The following SVOPL variants were observed in gnomAD, a reference collection of about 807,000 sequenced individuals.
SVOPL encodes the protein putative transporter SVOPL.
Under a neutral mutation model 61.0 loss-of-function variants are expected in SVOPL, and 60 were observed. The observed-to-expected ratio is 0.98, with a 90% CI of 0.80 to 1.22. SVOPL has a LOEUF of 1.22. Ranked by LOEUF, SVOPL falls within the 50% of genes most tolerant of loss-of-function variation. SVOPL has a pLI of 0.00. For missense variants in SVOPL, 662 were observed against 643.9 expected, an observed-to-expected ratio of 1.03 and a Z score of -0.30; for synonymous variants, 279 against 250.0, an observed-to-expected ratio of 1.12 and a Z score of -1.09.
chr7:138,674,897 C>T (rs1293790584), intron 3 of SVOPL, among the ~76,000 whole-genome samples: 1 of 151,220 alleles, frequency 6.6e-6, no homozygotes, highest in African/African-American at 2.4e-5. Flanking sequence ...GAGATCATTT[C>T]ACTTCCTTGA....
chr7:138,679,090 C>G lies in SVOPL; in HGVS notation c.-34-11G>C, dbSNP rs1802643741. On this transcript the variant is annotated splice_polypyrimidine_tract_variant and intron_variant, in intron 1 of 15. Transcript: ENST00000674285. ...CCCCAAACAGCTTCCCTGGTGGAAG[C>G]AAGGGAGGGAAGAAGGAAAGAAATA... 6.6e-7 allele frequency: 1 copy of G among 1,506,490 alleles called. No individual in the cohort carries two copies. The highest frequency in any genetic ancestry group is 9.0e-7 in the Non-Finnish European group (1 of 1,107,484). The allele number at this position is 1,506,490 out of a possible 1,614,324, so 93.3% of individuals were successfully genotyped here.
chr7:138,596,205 AAAG>A (rs1262138460), intron 15 of SVOPL, among the ~76,000 whole-genome samples: 8 of 151,486 alleles, frequency 5.3e-5, no homozygotes, highest in African/African-American at 1.9e-4. Context: ...AAAAAAAAAA[AAAG>A]AAAGAAAAGT....
At position 138,666,023 on chromosome 7, in the gene SVOPL, AC is replaced by A. The variant is rs535913465; in HGVS notation, c.274-2879del. Among the ~76,000 whole-genome samples, 378 of 152,318 alleles carry A rather than the reference AC, an allele frequency of 2.5e-3. 3 individuals are homozygous for A. Among genetic ancestry groups the A allele is most frequent in the African/African-American group, 8.7e-3 (362 of 41,564 alleles). The stretch of plus-strand genomic sequence containing the variant: ...CATCACTGTCTCAAAAACAAACAAA[AC>A]AAAAAACAAGAAACTGCTTCTGCAA... On this transcript the variant is annotated intron_variant, in intron 4 of 15. Coordinates refer to ENST00000674285, the MANE Select transcript of SVOPL (RefSeq NM_001139456.2).
At chr7:138,691,956 T>C (rs1460440809) in intron 1 of SVOPL, among the ~76,000 whole-genome samples, 1 of 152,128 alleles carries the variant, frequency 6.6e-6, no homozygotes, top group Non-Finnish European at 1.5e-5. Context: ...TAGCTGAGAT[T>C]ACAAGCAGGC....
chr7:138,631,960 T>TCTCTCTCACACACACACACACACA lies in SVOPL; in HGVS notation c.790-1839_790-1838insTGTGTGTGTGTGTGTGTGAGAGAG, dbSNP rs935815206. Among the ~76,000 whole-genome samples, 390 of 147,054 alleles carry TCTCTCTCACACACACACACACACA rather than the reference T, an allele frequency of 2.7e-3. 3 individuals carry two copies. The highest frequency in any genetic ancestry group is 9.4e-3 in the African/African-American group (371 of 39,418). On this transcript the variant is annotated intron_variant, in intron 9 of 15. Transcript: ENST00000674285. ...TGGCTCAGTCCCTTCTGCTCTGATATCACACACACACACACACACACACAT... is the reference window on the plus strand; with the variant it reads ...TGGCTCAGTCCCTTCTGCTCTGATATCTCTCTCACACACACACACACACACACACACACACACACACACACACAT...
chr7:138,611,059 T>C (rs1156640993), intron 14 of SVOPL, among the ~76,000 whole-genome samples: 2 of 152,304 alleles, frequency 1.3e-5, no homozygotes, highest in Non-Finnish European at 2.9e-5. Context: ...CCGTGGACTC[T>C]TCTCTTTTGC....
At chr7:138,656,660 C>G (rs1270591210) in intron 6 of SVOPL, 149 bp from the exon 7 acceptor site, 1 of 795,184 alleles carries the variant, frequency 1.3e-6, no homozygotes, top group African/African-American at 1.7e-5. Flanking sequence ...CAGCTAATAT[C>G]CACATAAGAG....
chr7:138,595,519 G>C (rs1168126545), intron 15 of SVOPL, among the ~76,000 whole-genome samples: 1 of 152,176 alleles, frequency 6.6e-6, no homozygotes, highest in East Asian at 1.9e-4. Context: ...ACTTGAATAG[G>C]AGATTCTAGA....
chr7:138,697,677 A>G (rs1040507625), intron 1 of SVOPL, among the ~76,000 whole-genome samples: 2 of 150,616 alleles, frequency 1.3e-5, no homozygotes, highest in African/African-American at 4.9e-5. Flanking sequence ...GAGAAGGAGG[A>G]AAAGAAGAGG....
chr7:138,666,591 G>A (rs2117100168), intron 4 of SVOPL, among the ~76,000 whole-genome samples: 1 of 152,292 alleles, frequency 6.6e-6, no homozygotes. Flanking sequence ...CCACTACAGT[G>A]CTGATTGGAC....
At chr7:138,686,294 T>C (rs1474182630) in intron 1 of SVOPL, among the ~76,000 whole-genome samples, 1 of 150,876 alleles carries the variant, frequency 6.6e-6, no homozygotes, top group East Asian at 2.0e-4. Context: ...TCCCAGCTAC[T>C]TGGGAGGCTG....
At chr7:138,690,111 T>G (rs1448183140) in intron 1 of SVOPL, among the ~76,000 whole-genome samples, 2 of 152,162 alleles carry the variant, frequency 1.3e-5, no homozygotes. Flanking sequence ...GAACCCACCC[T>G]GCCAAAACCT....
chr7:138,632,455 A>C (rs895342389), intron 9 of SVOPL, among the ~76,000 whole-genome samples: 1 of 145,950 alleles, frequency 6.9e-6, no homozygotes, highest in African/African-American at 2.8e-5. Context: ...CAGACAGATG[A>C]CTGTGAAGAA....
At chr7:138,624,368 T>C (rs1799804130) in intron 13 of SVOPL, among the ~76,000 whole-genome samples, 1 of 152,204 alleles carries the variant, frequency 6.6e-6, no homozygotes, top group Non-Finnish European at 1.5e-5. Context: ...ATCTTTGGGA[T>C]CTAATTTCTT....
At chr7:138,691,410 A>G (rs1352780976) in intron 1 of SVOPL, among the ~76,000 whole-genome samples, 2 of 152,196 alleles carry the variant, frequency 1.3e-5, no homozygotes, top group African/African-American at 2.4e-5. Flanking sequence ...AATTTTAACA[A>G]TCTTAAAGGT....
chr7:138,628,407 A>G (rs1192027509), intron 10 of SVOPL, 44 bp from the exon 11 acceptor site: 1 of 1,594,882 alleles, frequency 6.3e-7, no homozygotes, highest in Admixed American at 1.7e-5. Context: ...CTGACACCAG[A>G]CCTGAAGGAT....
At position 138,689,035 on chromosome 7, in the gene SVOPL, G is replaced by A. The variant is rs117350804; in HGVS notation, c.-34-9956C>T. On this transcript the variant is annotated intron_variant, in intron 1 of 15. Transcript: ENST00000674285. ...TCCACAAAATCATGCAAATCAAGAC[G>A]TTCAAATCTTTGTGTTCACTTTAAG... 4.4e-3 allele frequency: 3,058 copies of A among 702,854 alleles called. 13 individuals carry two copies. The highest frequency in any genetic ancestry group is 5.5e-3 in the Non-Finnish European group (2,059 of 375,476). The allele number at this position is 702,854 out of a possible 1,614,324, so 43.5% of individuals were successfully genotyped here.
chr7:138,648,497 C>T (rs767217047), intron 8 of SVOPL, among the ~76,000 whole-genome samples: 4 of 130,556 alleles, frequency 3.1e-5, no homozygotes, highest in South Asian at 2.3e-4. Context: ...GTCAGGAGAT[C>T]GAGACCACGG....
At chr7:138,631,615 C>T (rs1800193755) in intron 9 of SVOPL, among the ~76,000 whole-genome samples, 1 of 152,068 alleles carries the variant, frequency 6.6e-6, no homozygotes, top group Non-Finnish European at 1.5e-5. Context: ...GTCACCCACA[C>T]TAGAGTGCAA....
Sources: gnomAD v4.1 joint callset for allele counts (sites outside exome capture counted in the v4.1 genomes callset) on GRCh38, gnomAD v4.1.1 for gene constraint, MANE v1.5 for transcripts, NCBI Gene and HGNC (gene_info 2026-07-23, HGNC 2026-07-21) for gene names.